RIN2: variants seen among roughly 807,000 people sequenced by gnomAD.
The protein encoded by RIN2 is RAB5 interacting protein 2.
Under a neutral mutation model 78.0 loss-of-function variants are expected in RIN2, and 36 were observed. The ratio of observed to expected loss-of-function variants is 0.46; its 90% CI spans 0.35 to 0.61. The LOEUF is 0.61. Ranked by LOEUF, RIN2 falls within the 20% of genes least tolerant of loss-of-function variation. RIN2 has a pLI of 0.00. For synonymous variants in RIN2, 466 were observed against 466.8 expected (o/e 1.00, Z 0.02); for missense variants, 1,087 against 1,159.7 (o/e 0.94, Z 0.91).
At chr20:19,992,703 TA>T (rs146262399) in intron 11 of RIN2, among the ~76,000 whole-genome samples, 3,128 of 151,886 alleles carry the variant, frequency 0.021, 124 homozygotes, top group African/African-American at 0.071. Flanking sequence ...TTAATGGCAA[TA>T]AAAAAAATAC....
At chr20:19,935,731 C>T (rs1035235207) in intron 4 of RIN2, 8 of 508,900 alleles carry the variant, frequency 1.6e-5, no homozygotes, top group African/African-American at 4.2e-5. Flanking sequence ...CTGTTGAAGG[C>T]GATACCTGTG....
At chr20:19,977,880 A>G (rs1010194723) in intron 9 of RIN2, among the ~76,000 whole-genome samples, 1 of 152,066 alleles carries the variant, frequency 6.6e-6, no homozygotes, top group Admixed American at 6.5e-5. Context: ...CTTTTGCACT[A>G]AAAGCAGTCA....
chr20:19,848,498 AG>A (rs1203111580), intron 2 of RIN2, among the ~76,000 whole-genome samples: 1 of 148,646 alleles, frequency 6.7e-6, no homozygotes, highest in Non-Finnish European at 1.5e-5. Context: ...ATCACACCAC[AG>A]CACTTCAGCC....
At chr20:19,884,318 G>C (rs570935441) in intron 2 of RIN2, among the ~76,000 whole-genome samples, 1 of 152,180 alleles carries the variant, frequency 6.6e-6, no homozygotes, top group East Asian at 1.9e-4. Flanking sequence ...TCAGCTATTC[G>C]GGAGGCTGAG....
intron 2 of RIN2, among the ~76,000 whole-genome samples, chr20:19,867,220 T>C (rs1291446831): frequency 6.6e-6 from 1 of 152,062 alleles, no homozygotes; most frequent in African/African-American, 2.4e-5. Context: ...CACACACACT[T>C]TTTTCTAAAC....
intron 3 of RIN2, among the ~76,000 whole-genome samples, chr20:19,904,887 G>T (rs1047291930): frequency 6.6e-6 from 1 of 152,210 alleles, no homozygotes; most frequent in African/African-American, 2.4e-5. Flanking sequence ...CTCCCCATCA[G>T]CACAACTTGA....
chr20:19,846,205 A>T (rs1045281509), intron 2 of RIN2, among the ~76,000 whole-genome samples: 1 of 152,228 alleles, frequency 6.6e-6, no homozygotes, highest in Non-Finnish European at 1.5e-5. Flanking sequence ...TGTCTTGGCT[A>T]TACGGGCTCT....
intron 1 of RIN2, among the ~76,000 whole-genome samples, chr20:19,780,284 G>T (rs998200693): frequency 3.3e-5 from 5 of 152,202 alleles, no homozygotes; most frequent in African/African-American, 1.2e-4. Flanking sequence ...CATGACCTAG[G>T]GTTGTTTGTG....
intron 2 of RIN2, among the ~76,000 whole-genome samples, chr20:19,865,488 C>CTTTTTTTT (rs58947389): frequency 7.4e-6 from 1 of 135,868 alleles, no homozygotes; most frequent in Non-Finnish European, 1.5e-5. Context: ...TACTTTCTTT[C>CTTTTTTTT]TTTTTTTTTT....
intron 11 of RIN2, among the ~76,000 whole-genome samples, chr20:19,996,128 A>G (rs1001054304): frequency 6.6e-6 from 1 of 152,188 alleles, no homozygotes; most frequent in African/African-American, 2.4e-5. Context: ...AGCCTGGCCA[A>G]TATGGTGAAA....
chr20:19,784,320 A>ACG (rs149832849), intron 1 of RIN2, among the ~76,000 whole-genome samples: 4 of 149,424 alleles, frequency 2.7e-5, no homozygotes, highest in Middle Eastern at 3.4e-3. Flanking sequence ...TTAAACAATT[A>ACG]TGTGTGTGTG....
chr20:19,763,387 C>CTAAA (rs146419222), intron 1 of RIN2, among the ~76,000 whole-genome samples: 2,169 of 151,382 alleles, frequency 0.014, 48 homozygotes, highest in African/African-American at 0.049. Context: ...GACTCTGTCT[C>CTAAA]TAAATAAATA....
intron 3 of RIN2, among the ~76,000 whole-genome samples, chr20:19,927,972 G>A (rs1265065128): frequency 2.0e-5 from 3 of 152,076 alleles, no homozygotes; most frequent in Non-Finnish European, 2.9e-5. Context: ...GTATGACCTC[G>A]GCTCACTGCA....
intron 9 of RIN2, among the ~76,000 whole-genome samples, chr20:19,988,629 A>T (rs2042695654): frequency 1.3e-5 from 2 of 152,058 alleles, no homozygotes; most frequent in South Asian, 4.2e-4. Context: ...GCATCTCTGG[A>T]TTTATGGTAC....
intron 2 of RIN2, among the ~76,000 whole-genome samples, chr20:19,821,182 G>C (rs973914327): frequency 1.3e-5 from 2 of 152,054 alleles, no homozygotes; most frequent in African/African-American, 2.4e-5. Flanking sequence ...ACTATCCTTT[G>C]GTCATTTCCA....
chr20:19,965,081 T>C (rs556669989), intron 7 of RIN2, 57 bp downstream of exon 7: 3 of 1,414,282 alleles, frequency 2.1e-6, no homozygotes, highest in African/African-American at 2.8e-5. Flanking sequence ...TGGGATATAA[T>C]TAACCTGAGG....
chr20:19,932,483 A>G (rs2040478281), intron 3 of RIN2, among the ~76,000 whole-genome samples: 1 of 152,218 alleles, frequency 6.6e-6, no homozygotes, highest in Admixed American at 6.5e-5. Context: ...AAACTTTGCC[A>G]CAGAGATATG....
intron 3 of RIN2, 30 bp from the exon 4 acceptor site, chr20:19,935,068 CT>C: frequency 6.5e-7 from 1 of 1,545,136 alleles, no homozygotes; most frequent in South Asian, 1.2e-5. Context: ...TCTCCACTTC[CT>C]GACGTCATAC....
intron 2 of RIN2, among the ~76,000 whole-genome samples, chr20:19,833,672 G>A (rs948710807): frequency 5.9e-5 from 9 of 152,204 alleles, no homozygotes; most frequent in African/African-American, 1.9e-4. Flanking sequence ...GTAGCAGTGC[G>A]CTTGGGGCCC....
Sources: allele counts gnomAD v4.1 joint callset (sites outside exome capture counted in the v4.1 genomes callset), GRCh38; gene constraint gnomAD v4.1.1; transcripts MANE v1.5; gene names NCBI Gene and HGNC (gene_info 2026-07-23, HGNC 2026-07-21).